Variants in CNTN4 observed in about 807,000 individuals in gnomAD.
CNTN4 encodes the protein contactin-4.
CNTN4 carries 77 observed loss-of-function variants against 122.5 expected under a neutral mutation model. The ratio of observed to expected loss-of-function variants is 0.63; its 90% CI spans 0.52 to 0.76. The LOEUF (loss-of-function observed/expected upper bound fraction) is 0.76, where lower values mean the gene tolerates loss of function less well. CNTN4 is among the 30% of genes least tolerant of loss of function. CNTN4 has a pLI of 0.00. For synonymous variants in CNTN4, 512 were observed against 447.0 expected, an observed-to-expected ratio of 1.15 and a Z score of -1.83; for missense variants, 1,256 against 1,259.1, an observed-to-expected ratio of 1.00 and a Z score of 0.04.
At chr3:2,932,475 G>A (rs1363768063) in intron 13 of CNTN4, among the ~76,000 whole-genome samples, 7 of 152,184 alleles carry the variant, frequency 4.6e-5, no homozygotes, top group Admixed American at 4.6e-4. Context: ...TAAAATCAAG[G>A]CTTCAGCAGA....
intron 2 of CNTN4, among the ~76,000 whole-genome samples, chr3:2,105,811 T>A (rs2032394882): frequency 6.6e-6 from 1 of 152,204 alleles, no homozygotes; most frequent in Admixed American, 6.5e-5. Flanking sequence ...CATTTTGGCA[T>A]TAGCTCAAAA....
At chr3:2,963,690 G>C (rs2094884343) in intron 13 of CNTN4, among the ~76,000 whole-genome samples, 1 of 152,084 alleles carries the variant, frequency 6.6e-6, no homozygotes, top group Admixed American at 6.6e-5. Context: ...CACACCAAAA[G>C]TCCATTTCTA....
At chr3:3,047,198 G>A (rs1258279531) in intron 23 of CNTN4, among the ~76,000 whole-genome samples, 1 of 151,926 alleles carries the variant, frequency 6.6e-6, no homozygotes, top group African/African-American at 2.4e-5. Flanking sequence ...ACACCCCACT[G>A]TCAACATCAG....
intron 3 of CNTN4, among the ~76,000 whole-genome samples, chr3:2,427,759 T>C (rs2047897367): frequency 1.3e-5 from 2 of 151,988 alleles, no homozygotes; most frequent in South Asian, 4.1e-4. Flanking sequence ...GGTGCTCCTG[T>C]ATTGGGTGCA....
At chr3:2,450,924 T>A (rs1033307533) in intron 3 of CNTN4, among the ~76,000 whole-genome samples, 1 of 152,178 alleles carries the variant, frequency 6.6e-6, no homozygotes, top group African/African-American at 2.4e-5. Flanking sequence ...CCACTCACAT[T>A]GTTAAAGGAA....
chr3:2,549,694 C>CA (rs2078401142), intron 3 of CNTN4, among the ~76,000 whole-genome samples: 1 of 152,090 alleles, frequency 6.6e-6, no homozygotes, highest in Non-Finnish European at 1.5e-5. Flanking sequence ...GTTTTGGTAT[C>CA]AGGATGATGC....
chr3:2,468,137 AT>A (rs1437397079), intron 3 of CNTN4, among the ~76,000 whole-genome samples: 2 of 152,224 alleles, frequency 1.3e-5, no homozygotes, highest in Admixed American at 6.5e-5. Flanking sequence ...TGAATTTGAC[AT>A]TTAAATTTTT....
chr3:2,689,429 T>A (rs974836348), intron 4 of CNTN4, among the ~76,000 whole-genome samples: 1 of 152,150 alleles, frequency 6.6e-6, no homozygotes, highest in Non-Finnish European at 1.5e-5. Context: ...TTTGGCTCCA[T>A]GCAAATGCCT....
intron 3 of CNTN4, among the ~76,000 whole-genome samples, chr3:2,364,470 T>A (rs1330996401): frequency 6.6e-6 from 1 of 152,132 alleles, no homozygotes; most frequent in Non-Finnish European, 1.5e-5. Context: ...TTTGGAAGTG[T>A]TGACAATAGA....
intron 14 of CNTN4, chr3:2,988,782 A>G: frequency 3.0e-6 from 1 of 329,204 alleles, no homozygotes; most frequent in South Asian, 3.3e-5. Flanking sequence ...GTCTCTATAG[A>G]TTTGAAATTC....
chr3:2,807,296 A>G (rs917307920), intron 6 of CNTN4, among the ~76,000 whole-genome samples: 11 of 152,320 alleles, frequency 7.2e-5, no homozygotes, highest in Non-Finnish European at 1.2e-4. Context: ...AACAGCACCC[A>G]TTGCAAAATC....
At chr3:3,035,987 T>C (rs1415495950) in intron 17 of CNTN4, among the ~76,000 whole-genome samples, 1 of 152,202 alleles carries the variant, frequency 6.6e-6, no homozygotes, top group Non-Finnish European at 1.5e-5. Context: ...TTATTACATG[T>C]ATACAGCACT....
At chr3:2,175,519 A>G (rs544825586) in intron 2 of CNTN4, among the ~76,000 whole-genome samples, 308 of 152,330 alleles carry the variant, frequency 2.0e-3, no homozygotes, top group African/African-American at 7.1e-3. Context: ...TGTAAACTCC[A>G]TACAAGAAAG....
intron 3 of CNTN4, among the ~76,000 whole-genome samples, chr3:2,390,678 A>G (rs974637098): frequency 1.1e-4 from 17 of 152,068 alleles, no homozygotes; most frequent in Admixed American, 4.6e-4. Context: ...CCTCAATAGG[A>G]TTTTTTTCCC....
At chr3:2,627,557 A>C (rs141556854) in intron 4 of CNTN4, among the ~76,000 whole-genome samples, 55 of 145,408 alleles carry the variant, frequency 3.8e-4, no homozygotes, top group Middle Eastern at 3.6e-3. Flanking sequence ...GTAGTAGCGC[A>C]ATCTCGGCTC....
chr3:2,287,675 A>G (rs187855800), intron 2 of CNTN4, among the ~76,000 whole-genome samples: 6,693 of 79,184 alleles, frequency 0.085, 344 homozygotes, highest in Non-Finnish European at 0.13. Flanking sequence ...AAGAAGAAGA[A>G]GAAGAAGAAG....
intron 3 of CNTN4, among the ~76,000 whole-genome samples, chr3:2,535,170 C>G (rs2077752670): frequency 6.6e-6 from 1 of 152,056 alleles, no homozygotes; most frequent in South Asian, 2.1e-4. Context: ...CCGTAAGATG[C>G]CTTTCAACCT....
At chr3:2,817,099 A>C (rs558800562) in intron 6 of CNTN4, among the ~76,000 whole-genome samples, 5 of 152,228 alleles carry the variant, frequency 3.3e-5, no homozygotes, top group Non-Finnish European at 5.9e-5. Context: ...AAACATGTGC[A>C]TAAGTATCAT....
chr3:2,971,029 T>G (rs981794563), intron 13 of CNTN4, among the ~76,000 whole-genome samples: 1 of 152,170 alleles, frequency 6.6e-6, no homozygotes, highest in Non-Finnish European at 1.5e-5. Flanking sequence ...TCAGGTGATC[T>G]GCCCATCTCG....
Sources: gnomAD v4.1 joint callset for allele counts (sites outside exome capture counted in the v4.1 genomes callset) on GRCh38, gnomAD v4.1.1 for gene constraint, MANE v1.5 for transcripts, NCBI Gene and HGNC (gene_info 2026-07-23, HGNC 2026-07-21) for gene names.